Variants in ABCB8 observed in about 807,000 individuals in gnomAD.
ABCB8 encodes ATP binding cassette subfamily B member 8.
In ABCB8, 52 loss-of-function variants were observed where a neutral mutation model predicts 73.0. That is an observed-to-expected ratio of 0.71 (90% CI 0.57 to 0.90). The LOEUF is 0.90. Among genes scored for constraint, ABCB8 ranks in the 40% least tolerant of loss-of-function variants. The probability of loss-of-function intolerance (pLI) is 0.00; values close to 1 mark genes in which losing one functional copy is unlikely to be tolerated. For missense variants in ABCB8, 909 were observed against 974.6 expected, an observed-to-expected ratio of 0.93 and a Z score of 0.90; for synonymous variants, 428 against 423.5, an observed-to-expected ratio of 1.01 and a Z score of -0.13.
At chr7:151,040,168 C>T (rs147925887) in intron 9 of ABCB8, 100 bp from the exon 10 acceptor site, 2 of 1,420,204 alleles carry the variant, frequency 1.4e-6, no homozygotes, top group Non-Finnish European at 1.9e-6. Context: ...TGGCCACAGG[C>T]CACCTGCTTC....
Position 151,045,672 on chromosome 7 carries a change from G to A in ABCB8, c.*323G>A, listed in dbSNP as rs192739212. ...GACCCCTCCAGACCTCTCAAGAGAC[G>A]TTCTGGCCAGTCTCCCTGCCCCACC... On this transcript the variant is annotated 3_prime_UTR_variant, in exon 16 of 16. Transcript: ENST00000358849. 1.3e-4 allele frequency: 35 copies of A among 267,592 alleles called. No individual in the cohort carries two copies. Among genetic ancestry groups the A allele is most frequent in the African/African-American group, 6.8e-4 (31 of 45,630 alleles). The allele number at this position is 267,592 out of a possible 1,614,324, so 16.6% of individuals were successfully genotyped here.
chr7:151,030,325 G>A (rs956144636), intron 1 of ABCB8, among the ~76,000 whole-genome samples: 19 of 151,738 alleles, frequency 1.3e-4, no homozygotes, highest in African/African-American at 4.4e-4. Flanking sequence ...GACCAGCCTG[G>A]CCAACGTGGT....
At chr7:151,041,299 T>G (rs1331352291) in intron 13 of ABCB8, 67 bp downstream of exon 13, 2 of 1,502,976 alleles carry the variant, frequency 1.3e-6, no homozygotes, top group South Asian at 2.6e-5. Flanking sequence ...GCCCCCTTAG[T>G]CCTCAGGTGC....
At chr7:151,040,220 G>A in intron 9 of ABCB8, 48 bp from the exon 10 acceptor site, 1 of 1,598,922 alleles carries the variant, frequency 6.3e-7, no homozygotes, top group African/African-American at 1.3e-5. Context: ...CCCTCCTCTG[G>A]CTCTTCTTGT....
At chr7:151,037,002 C>A (rs1796328197) in intron 9 of ABCB8, 2 of 686,748 alleles carry the variant, frequency 2.9e-6, no homozygotes, top group South Asian at 3.0e-5. Flanking sequence ...AGCTCATGGG[C>A]AGTGGGTGCA....
intron 14 of ABCB8, among the ~76,000 whole-genome samples, chr7:151,043,218 T>A (rs1796514710): frequency 6.6e-6 from 1 of 152,180 alleles, no homozygotes; most frequent in Non-Finnish European, 1.5e-5. Flanking sequence ...CATCCTGGCC[T>A]GAGGCACTGC....
rs780658107 is a variant in ABCB8, at chr7:151,041,206, G to A, written c.1591G>A (p.Gly531Ser). 5.6e-6 allele frequency: 9 copies of A among 1,605,394 alleles called. No individual in the cohort carries two copies. Among genetic ancestry groups the A allele is most frequent in the South Asian group, 2.2e-5 (2 of 91,040 alleles). Reference sequence around the variant, plus strand: ...CACCCTTGACCCCTCCTGGCTCCGGGGCCAGGTTGTCGGCTTCATCAGCCA... The same window carrying A: ...CACCCTTGACCCCTCCTGGCTCCGGAGCCAGGTTGTCGGCTTCATCAGCCA... ...LRTLDPSWLRGQVVGFISQEP... is the reference protein window; with the variant it reads ...LRTLDPSWLRSQVVGFISQEP... The change falls in exon 13 of 16, where the codon GGC becomes AGC. Residue 531 changes from glycine to serine, a missense_variant. Physicochemically the swap from Gly to Ser is moderately conservative, Grantham distance 56. Coordinates refer to ENST00000358849, the MANE Select transcript of ABCB8 (RefSeq NM_007188.5).
In ABCB8 at chr7:151,041,239, G is replaced by A. The variant is rs775155565; in HGVS notation, c.1617+7G>A. On this transcript the variant is annotated splice_region_variant and intron_variant, in intron 13 of 15. Coordinates refer to ENST00000358849, the MANE Select transcript of ABCB8 (RefSeq NM_007188.5). ...TGTCGGCTTCATCAGCCAGGTGCGG[G>A]GCCACATGGGCAGCCCTTGGCTCCC... 15 of 1,595,096 alleles carry A rather than the reference G, an allele frequency of 9.4e-6. No homozygotes were observed. Among genetic ancestry groups the A allele is most frequent in the Non-Finnish European group, 1.1e-5 (13 of 1,175,778 alleles).
At chr7:151,028,993 T>A in intron 1 of ABCB8, 1 of 1,221,578 alleles carries the variant, frequency 8.2e-7, no homozygotes. Flanking sequence ...TCAAAGTGAG[T>A]CGAAGAAGAA....
rs572070568 is a variant in ABCB8 at position 151,040,609 on chromosome 7, G to C, written c.1363G>C (p.Val455Leu). The C allele has an allele frequency of 6.2e-7, 1 of 1,613,020 alleles. No homozygotes were observed. Among genetic ancestry groups the C allele is most frequent in the South Asian group, 1.1e-5 (1 of 91,030 alleles). The change falls in exon 11 of 16, where the codon GTT (valine) becomes CTT (leucine). Residue 455 changes from valine to leucine, a missense_variant. Coordinates refer to ENST00000358849, the MANE Select transcript of ABCB8 (RefSeq NM_007188.5). ...CCCCAAAGAGCAGCTGCGTGGCTCC[G>C]TTACATTTCAGAACGTCTGCTTCAG... The part of the protein sequence containing the change: ...CVPKEQLRGS[V>L]TFQNVCFSYP...
intron 1 of ABCB8, among the ~76,000 whole-genome samples, chr7:151,032,527 C>G (rs551991461): frequency 1.3e-5 from 2 of 152,258 alleles, no homozygotes; most frequent in African/African-American, 4.8e-5. Flanking sequence ...AACCCCATCT[C>G]TACTAAAAAT....
chr7:151,037,445 G>A, intron 9 of ABCB8: 1 of 657,428 alleles, frequency 1.5e-6, no homozygotes, highest in Non-Finnish European at 2.8e-6. Flanking sequence ...CCGCTCAGCT[G>A]AGCCTCTGGG....
chr7:151,030,507 T>C (rs1018175727), intron 1 of ABCB8, among the ~76,000 whole-genome samples: 23 of 83,754 alleles, frequency 2.7e-4, no homozygotes, highest in Non-Finnish European at 5.2e-4. Context: ...CAAGACTCCG[T>C]CTCAAATAAA....
rs181279604 is a variant in ABCB8 at position 151,047,298 on chromosome 7, G to A, written c.*1949G>A. 2 of 152,196 alleles carry A rather than the reference G, an allele frequency of 1.3e-5. No individual in the cohort carries two copies. Among genetic ancestry groups the A allele is most frequent in the Non-Finnish European group, 2.9e-5 (2 of 68,054 alleles). The allele number at this position is 152,196 out of a possible 1,614,324, so 9.4% of individuals were successfully genotyped here. A position where few individuals can be genotyped will look rare whatever the true frequency, so the allele number is the denominator to read the frequency against. ...GGAGCCGCGCCGTCTTCCTAACCTC[G>A]CCTCGGCCTTCGCTCCACAGTGGAG... On this transcript the variant is annotated 3_prime_UTR_variant, in exon 16 of 16. Transcript: ENST00000358849.
At position 151,033,774 on chromosome 7, in the gene ABCB8, C is replaced by T; in HGVS notation, c.265C>T (p.His89Tyr). 1 of 1,614,096 alleles carries T rather than the reference C, an allele frequency of 6.2e-7. No homozygotes were observed. The highest frequency in any genetic ancestry group is 8.5e-7 in the Non-Finnish European group (1 of 1,179,990). ...LGPMVLSKHP[H>Y]LCLVALCEAE... is the part of the protein sequence containing the mutation. ...CCCCATGGTACTGAGTAAGCATCCC[C>T]ACCTCTGCCTTGTGGCCCTGTGTGA... Residue 89 changes from histidine to tyrosine, a missense_variant, in exon 2 of 16, where the codon CAC (histidine) becomes TAC (tyrosine). Physicochemically the swap from His to Tyr is moderately conservative, Grantham distance 83. Coordinates refer to ENST00000358849, the MANE Select transcript of ABCB8 (RefSeq NM_007188.5).
At position 151,046,837 on chromosome 7, in the gene ABCB8, TGTG is replaced by T. The variant is rs1796625803; in HGVS notation, c.*1490_*1492del. The T allele has an allele frequency of 6.6e-6, 1 of 152,262 alleles. No individual in the cohort carries two copies. The highest frequency in any genetic ancestry group is 2.4e-5 in the African/African-American group (1 of 41,464). 9.4% of individuals were successfully genotyped at this position (152,262 alleles called of 1,614,324 possible). A position where few individuals can be genotyped will look rare whatever the true frequency, so the allele number is the denominator to read the frequency against. On this transcript the variant is annotated 3_prime_UTR_variant, in exon 16 of 16. Coordinates refer to ENST00000358849, the MANE Select transcript of ABCB8 (RefSeq NM_007188.5). ...AGCCAGAGTGGGACCCACGGGCTCT[TGTG>T]GGTGTGGTTTAGAACTAGATGGTGC...
intron 14 of ABCB8, among the ~76,000 whole-genome samples, chr7:151,042,341 G>T (rs1022169558): frequency 6.6e-6 from 1 of 152,204 alleles, no homozygotes; most frequent in African/African-American, 2.4e-5. Flanking sequence ...TGCAGAGACA[G>T]GACGGGCTCT....
chr7:151,044,625 TC>T (rs1157536193), intron 15 of ABCB8, among the ~76,000 whole-genome samples: 4 of 151,960 alleles, frequency 2.6e-5, no homozygotes, highest in African/African-American at 9.7e-5. Flanking sequence ...GCACCTGTAC[TC>T]CCAGCTACTC....
chr7:151,045,298 C>T lies in ABCB8; in HGVS notation c.2106C>T (p.Ala702=), dbSNP rs754215797. ...CCCTGGATGCCCCGAGGACAGCGGC[C>T]CCACCGCCCAAAAAGCCAGAAGGCC... ...RQALDAPRTA[A]PPPKKPEGPR... Residue 702 remains alanine, a synonymous_variant, in exon 16 of 16, where the codon GCC becomes GCT. Transcript: ENST00000358849. 2.5e-6 allele frequency: 4 copies of T among 1,600,762 alleles called. No individual in the cohort carries two copies. In the East Asian group the frequency reaches 9.2e-5, roughly 37 times the overall value.
Sources: allele counts gnomAD v4.1 joint callset (sites outside exome capture counted in the v4.1 genomes callset), GRCh38; gene constraint gnomAD v4.1.1; transcripts MANE v1.5; gene names NCBI Gene and HGNC (gene_info 2026-07-23, HGNC 2026-07-21).